The following GARRE1 variants were observed in gnomAD, a reference collection of about 807,000 sequenced individuals.
GARRE1 encodes granule associated Rac and RHOG effector protein 1.
In GARRE1, 49 loss-of-function variants were observed where a neutral mutation model predicts 103.2. The observed-to-expected ratio is 0.47, with a 90% CI of 0.38 to 0.60. GARRE1 has a LOEUF of 0.60. GARRE1 is among the 20% of genes least tolerant of loss of function. The probability of loss-of-function intolerance (pLI) is 0.00; values close to 1 mark genes in which losing one functional copy is unlikely to be tolerated. For missense variants in GARRE1, 1,199 were observed against 1,370.5 expected, an observed-to-expected ratio of 0.87 and a Z score of 1.98; for synonymous variants, 505 against 532.8, an observed-to-expected ratio of 0.95 and a Z score of 0.72.
chr19:34,262,453 G>A lies in GARRE1; in HGVS notation c.-796+7839G>A, dbSNP rs369183286. On this transcript the variant is annotated intron_variant, in intron 1 of 13. Coordinates refer to ENST00000299505, the MANE Select transcript of GARRE1 (RefSeq NM_014686.5). The stretch of plus-strand genomic sequence containing the variant: ...TGGGATTACAGGCATGCGTCACCAC[G>A]CCCAGCTAATTTTTGTATTTTTAGT... 1.8e-4 allele frequency among the ~76,000 whole-genome samples: 28 copies of A among 151,628 alleles called. 1 individual carries two copies. The highest frequency in any genetic ancestry group is 9.6e-4 in the East Asian group (5 of 5,182).
chr19:34,339,176 A>G (rs2074174319), intron 8 of GARRE1, among the ~76,000 whole-genome samples: 1 of 152,134 alleles, frequency 6.6e-6, no homozygotes, highest in Non-Finnish European at 1.5e-5. Context: ...GCACAGGTTA[A>G]GGGCTCAGCC....
At position 34,352,831 on chromosome 19, in the gene GARRE1, C is replaced by T. The variant is rs748036075; in HGVS notation, c.3089C>T (p.Ala1030Val). The T allele has an allele frequency of 1.8e-5, 29 of 1,611,524 alleles. No individual in the cohort carries two copies. The South Asian group carries it at 2.4e-4, about 13-fold the overall frequency. The change falls in exon 14 of 14, where the codon GCC becomes GTC. Residue 1030 changes from alanine to valine, a missense_variant. Ala to Val is a moderately conservative substitution (Grantham distance 64, BLOSUM62 0). Coordinates refer to ENST00000299505, the MANE Select transcript of GARRE1 (RefSeq NM_014686.5). ...WAATNDCSAA[A>V]FSYVQTPPQP... ...GCAACCAACGACTGCAGTGCCGCTG[C>T]CTTCTCCTATGTGCAGACCCCACCC... is the stretch of plus-strand genomic sequence containing the variant.
intron 8 of GARRE1, 86 bp downstream of exon 8, chr19:34,333,887 C>A: frequency 2.4e-6 from 2 of 848,562 alleles, no homozygotes; most frequent in Non-Finnish European, 4.1e-6. Context: ...TTGAACAATG[C>A]CCATGCTAGC....
intron 1 of GARRE1, among the ~76,000 whole-genome samples, chr19:34,263,391 C>G (rs1225096275): frequency 1.3e-5 from 2 of 151,854 alleles, no homozygotes; most frequent in Non-Finnish European, 2.9e-5. Flanking sequence ...CCCCAGAAAA[C>G]CAGGCTGTTA....
At chr19:34,259,201 A>G (rs2073697812) in intron 1 of GARRE1, among the ~76,000 whole-genome samples, 1 of 152,214 alleles carries the variant, frequency 6.6e-6, no homozygotes, top group Non-Finnish European at 1.5e-5. Flanking sequence ...ATAAATAAAT[A>G]TCACTTATCA....
chr19:34,267,936 G>A (rs535963626), intron 1 of GARRE1, among the ~76,000 whole-genome samples: 2 of 151,850 alleles, frequency 1.3e-5, no homozygotes, highest in Non-Finnish European at 2.9e-5. Flanking sequence ...ACCATACCTG[G>A]CTAATTTTTG....
At chr19:34,299,447 C>T (rs2073965185) in intron 1 of GARRE1, among the ~76,000 whole-genome samples, 1 of 152,098 alleles carries the variant, frequency 6.6e-6, no homozygotes, top group South Asian at 2.1e-4. Flanking sequence ...TTTGAAGGGG[C>T]CAGTCTAGAA....
intron 1 of GARRE1, among the ~76,000 whole-genome samples, chr19:34,293,715 A>AAAACACACACACACAC (rs1555781735): frequency 1.0e-5 from 1 of 100,472 alleles, no homozygotes; most frequent in African/African-American, 4.4e-5. Context: ...TAAACATATA[A>AAAACACACACACACAC]ACACACACAC....
In GARRE1 at chr19:34,355,190, C is replaced by G. The variant is rs2074265436; in HGVS notation, c.*2235C>G. The stretch of plus-strand genomic sequence containing the variant: ...TGATGCTCCAGCACAGGTGACGTCA[C>G]TAATTGTCACTTTCCAGTTTGTTTT... On this transcript the variant is annotated 3_prime_UTR_variant, in exon 14 of 14. Coordinates refer to ENST00000299505, the MANE Select transcript of GARRE1 (RefSeq NM_014686.5). 6.5e-6 allele frequency: 1 copy of G among 152,674 alleles called. No individual in the cohort carries two copies. Among genetic ancestry groups the G allele is most frequent in the Admixed American group, 6.5e-5 (1 of 15,280 alleles). The allele number at this position is 152,674 out of a possible 1,614,324, so 9.5% of individuals were successfully genotyped here. A position where few individuals can be genotyped will look rare whatever the true frequency, so the allele number is the denominator to read the frequency against.
At chr19:34,336,191 A>ATATT (rs2074160371) in intron 8 of GARRE1, among the ~76,000 whole-genome samples, 1 of 151,708 alleles carries the variant, frequency 6.6e-6, no homozygotes, top group Admixed American at 6.6e-5. Flanking sequence ...GAGTCTCACT[A>ATATT]TATTAGCCAG....
intron 7 of GARRE1, among the ~76,000 whole-genome samples, chr19:34,332,773 A>T (rs1459730565): frequency 6.6e-6 from 1 of 152,182 alleles, no homozygotes; most frequent in Non-Finnish European, 1.5e-5. Flanking sequence ...AAAATATTTT[A>T]TGATTTTTTA....
chr19:34,265,964 C>G (rs2073748824), intron 1 of GARRE1, among the ~76,000 whole-genome samples: 1 of 152,244 alleles, frequency 6.6e-6, no homozygotes, highest in African/African-American at 2.4e-5. Flanking sequence ...GTAACTACTG[C>G]ATTTTGGAAG....
intron 2 of GARRE1, among the ~76,000 whole-genome samples, chr19:34,309,512 G>A (rs1217999556): frequency 6.6e-6 from 1 of 152,154 alleles, no homozygotes. Flanking sequence ...TAATTTTTTT[G>A]TAGAGACAGG....
intron 3 of GARRE1, among the ~76,000 whole-genome samples, chr19:34,324,316 G>T (rs575242058): frequency 6.6e-6 from 1 of 151,968 alleles, no homozygotes; most frequent in Non-Finnish European, 1.5e-5. Flanking sequence ...ACTGCACCTT[G>T]TGGCTCCTTA....
At chr19:34,346,488 T>A (rs551998076) in intron 10 of GARRE1, among the ~76,000 whole-genome samples, 1 of 152,216 alleles carries the variant, frequency 6.6e-6, no homozygotes, top group Non-Finnish European at 1.5e-5. Flanking sequence ...GGGATCAGCA[T>A]ATAACCTCTA....
At chr19:34,259,611 T>C (rs2073701925) in intron 1 of GARRE1, among the ~76,000 whole-genome samples, 2 of 152,212 alleles carry the variant, frequency 1.3e-5, no homozygotes, top group Non-Finnish European at 2.9e-5. Flanking sequence ...ATTTACTGCT[T>C]TGATCTCCAG....
At chr19:34,260,652 A>G (rs1020000089) in intron 1 of GARRE1, among the ~76,000 whole-genome samples, 1 of 152,236 alleles carries the variant, frequency 6.6e-6, no homozygotes, top group Admixed American at 6.5e-5. Context: ...TTTAGCATTA[A>G]TGAAGTATTT....
chr19:34,342,087 C>T lies in GARRE1; in HGVS notation c.2153C>T (p.Ala718Val). The T allele has an allele frequency of 6.2e-7, 1 of 1,614,140 alleles. No homozygotes were observed. The highest frequency in any genetic ancestry group is 8.5e-7 in the Non-Finnish European group (1 of 1,180,024). ...CCTCTGACACCCCAGCCGGGACTGG[C>T]ACCTCAGCAGCAGTCCCCAAAGCAG... ...HTPLTPQPGL[A>V]PQQQSPKQQQ... Residue 718 changes from alanine (A) to valine (V), a missense_variant, in exon 10 of 14, where the codon GCA becomes GTA. Ala to Val is a moderately conservative substitution (Grantham distance 64). Coordinates refer to ENST00000299505, the MANE Select transcript of GARRE1 (RefSeq NM_014686.5).
At chr19:34,295,799 G>A (rs2073943928) in intron 1 of GARRE1, among the ~76,000 whole-genome samples, 1 of 152,126 alleles carries the variant, frequency 6.6e-6, no homozygotes. Flanking sequence ...TCAAAGTGCT[G>A]GGATTACAGG....
Sources: allele counts gnomAD v4.1 joint callset (sites outside exome capture counted in the v4.1 genomes callset), GRCh38; gene constraint gnomAD v4.1.1; transcripts MANE v1.5; gene names NCBI Gene and HGNC (gene_info 2026-07-23, HGNC 2026-07-21).